Variants in RTL4 observed in about 807,000 individuals in gnomAD.
RTL4 encodes the protein retrotransposon Gag like 4.
Under a neutral mutation model 5.3 loss-of-function variants are expected in RTL4, and 4 were observed. That is an observed-to-expected ratio of 0.75 (90% CI 0.37 to 1.72). The LOEUF is 1.72. RTL4 is among the 40% of genes most tolerant of loss of function. The pLI is 0.04. For missense variants in RTL4, 260 were observed against 227.1 expected (o/e 1.14, Z -0.93); for synonymous variants, 98 against 87.3 (o/e 1.12, Z -0.68).
chrX:112,299,412 T>C, the RTL4 span, among the ~76,000 whole-genome samples: 7 of 112,727 alleles, frequency 6.2e-5, no homozygotes, highest in Non-Finnish European at 1.3e-4. Flanking sequence ...AAAAGTGAAT[T>C]TTTTTAATAC....
chrX:112,413,817 T>C, the RTL4 span, among the ~76,000 whole-genome samples: 1 of 110,331 alleles, frequency 9.1e-6, no homozygotes, highest in Non-Finnish European at 1.9e-5. Flanking sequence ...AAAATTTAAT[T>C]GCACATATTT....
chrX:112,185,402 T>TATATATATATAC, the RTL4 span, among the ~76,000 whole-genome samples: 1 of 97,889 alleles, frequency 1.0e-5, no homozygotes, highest in African/African-American at 4.0e-5. Context: ...TATATATATA[T>TATATATATATAC]ACACACACAC....
the RTL4 span, among the ~76,000 whole-genome samples, chrX:112,387,729 T>C: frequency 1.8e-5 from 2 of 112,047 alleles, no homozygotes; most frequent in Admixed American, 9.4e-5. Context: ...CAGATGGTTG[T>C]AGTTGTGCAG....
chrX:112,379,738 A>C, the RTL4 span, among the ~76,000 whole-genome samples: 1 of 111,840 alleles, frequency 8.9e-6, no homozygotes, highest in Non-Finnish European at 1.9e-5. Context: ...GATATTTATC[A>C]CACTTTTTAT....
chrX:112,398,044 T>C, the RTL4 span, among the ~76,000 whole-genome samples: 1 of 111,777 alleles, frequency 8.9e-6, no homozygotes, highest in African/African-American at 3.2e-5. Context: ...TGAGAGTAGA[T>C]GTTCTTACAT....
the RTL4 span, among the ~76,000 whole-genome samples, chrX:112,320,724 C>G: frequency 9.0e-6 from 1 of 111,437 alleles, no homozygotes; most frequent in African/African-American, 3.3e-5. Context: ...GTTAATAAGT[C>G]TATGACCTTA....
At chrX:112,259,134 A>C in the RTL4 span, among the ~76,000 whole-genome samples, 5 of 111,563 alleles carry the variant, frequency 4.5e-5, no homozygotes, top group South Asian at 1.1e-3. Context: ...GCATGTTTAA[A>C]TCGAAAAAGT....
At chrX:112,341,448 C>G in the RTL4 span, among the ~76,000 whole-genome samples, 14 of 111,614 alleles carry the variant, frequency 1.3e-4, no homozygotes, top group Non-Finnish European at 1.7e-4. Flanking sequence ...GGTCAGTTCC[C>G]TCAAATAGTT....
chrX:112,151,143 T>G, the RTL4 span, among the ~76,000 whole-genome samples: 1 of 112,520 alleles, frequency 8.9e-6, no homozygotes, highest in Non-Finnish European at 1.9e-5. Context: ...GATATCATTC[T>G]CAACCAGGTT....
chrX:112,140,583 TC>T, the RTL4 span, among the ~76,000 whole-genome samples: 1 of 111,016 alleles, frequency 9.0e-6, no homozygotes, highest in East Asian at 2.9e-4. Flanking sequence ...TCTTGCTGAG[TC>T]CTCATGTGGT....
the RTL4 span, among the ~76,000 whole-genome samples, chrX:112,116,440 G>C: frequency 5.4e-5 from 6 of 111,109 alleles, no homozygotes; most frequent in East Asian, 1.4e-3. Flanking sequence ...CCACAGCGTG[G>C]AAGGGGACCC....
the RTL4 span, among the ~76,000 whole-genome samples, chrX:112,236,565 T>C: frequency 9.9e-6 from 1 of 101,266 alleles, no homozygotes; most frequent in Non-Finnish European, 2.0e-5. Context: ...AATATATATA[T>C]AGTCAAACTA....
chrX:112,098,226 T>G, the RTL4 span, among the ~76,000 whole-genome samples: 1 of 108,165 alleles, frequency 9.2e-6, no homozygotes, highest in South Asian at 4.2e-4. Context: ...TTTTTCTCCT[T>G]GTGATAGTTT....
chrX:112,327,450 T>C, the RTL4 span, among the ~76,000 whole-genome samples: 1 of 109,651 alleles, frequency 9.1e-6, no homozygotes, highest in Non-Finnish European at 1.9e-5. Flanking sequence ...AAGGGAAGTT[T>C]AGAGAAAAAA....
At chrX:112,294,889 A>G in the RTL4 span, among the ~76,000 whole-genome samples, 3 of 112,002 alleles carry the variant, frequency 2.7e-5, no homozygotes, top group African/African-American at 9.7e-5. Flanking sequence ...AGATGACCTC[A>G]TGTGTACATT....
At chrX:112,382,138 A>T in the RTL4 span, 1 of 1,210,226 alleles carries the variant, frequency 8.3e-7, no homozygotes, top group East Asian at 3.0e-5. Flanking sequence ...GACTGCAAGG[A>T]AGTCATAATC....
At chrX:112,282,349 G>A in the RTL4 span, among the ~76,000 whole-genome samples, 1 of 111,931 alleles carries the variant, frequency 8.9e-6, no homozygotes. Context: ...TTATGTGTTT[G>A]TTTTTATGCC....
the RTL4 span, among the ~76,000 whole-genome samples, chrX:112,443,623 G>A: frequency 2.7e-5 from 3 of 111,578 alleles, no homozygotes; most frequent in South Asian, 1.1e-3. Flanking sequence ...TTTAGTATAA[G>A]CCATTTTAAC....
the RTL4 span, among the ~76,000 whole-genome samples, chrX:112,142,469 A>G: frequency 8.9e-6 from 1 of 112,254 alleles, no homozygotes; most frequent in African/African-American, 3.2e-5. Context: ...TCACTTATTA[A>G]TATAGGTATC....
Sources: allele counts gnomAD v4.1 joint callset (sites outside exome capture counted in the v4.1 genomes callset), GRCh38; gene constraint gnomAD v4.1.1; transcripts MANE v1.5; gene names NCBI Gene and HGNC (gene_info 2026-07-23, HGNC 2026-07-21).